The following SLC4A4 variants were observed in gnomAD, a reference collection of about 807,000 sequenced individuals.
The protein encoded by SLC4A4 is solute carrier family 4 member 4.
Under a neutral mutation model 111.5 loss-of-function variants are expected in SLC4A4, and 27 were observed. The observed-to-expected ratio is 0.24, with a 90% confidence interval of 0.18 to 0.33. The LOEUF is 0.33. SLC4A4 is among the 10% of genes least tolerant of loss of function. The pLI is 1.00. For synonymous variants in SLC4A4, 443 were observed against 463.4 expected, an observed-to-expected ratio of 0.96 and a Z score of 0.57; for missense variants, 909 against 1,315.5, an observed-to-expected ratio of 0.69 and a Z score of 4.78.
chr4:71,137,399 A>G (rs1743874552), intron 2 of SLC4A4, among the ~76,000 whole-genome samples: 1 of 152,218 alleles, frequency 6.6e-6, no homozygotes, highest in South Asian at 2.1e-4. Flanking sequence ...CTCCTATGGC[A>G]TGGAAAGTGG....
Position 71,357,177 on chromosome 4 carries a change from C to T in SLC4A4, c.720C>T (p.Asn240=), listed in dbSNP as rs1349880744. The T allele has an allele frequency of 1.9e-6, 3 of 1,614,064 alleles. No individual in the cohort carries two copies. The South Asian group carries it at 3.3e-5, about 18-fold the overall frequency. ...TVSSASRMFT[N]PDNGSPAMTH... ...CCAGTGCAAGTAGGATGTTTACCAA[C>T]CCTGATAATGGTAATGCAGAGGCCA... Residue 240 remains asparagine (N), a synonymous_variant, in exon 6 of 26, where the codon AAC becomes AAT. Coordinates refer to ENST00000264485, the MANE Select transcript of SLC4A4 (RefSeq NM_001098484.3).
chr4:71,507,838 C>A (rs914526106), intron 16 of SLC4A4, among the ~76,000 whole-genome samples: 2 of 152,130 alleles, frequency 1.3e-5, no homozygotes, highest in Non-Finnish European at 2.9e-5. Flanking sequence ...ATCACATAAT[C>A]GGAAGTTAAA....
chr4:71,566,655 C>T (rs965349404), intron 24 of SLC4A4, among the ~76,000 whole-genome samples: 4 of 151,468 alleles, frequency 2.6e-5, no homozygotes, highest in Admixed American at 1.3e-4. Context: ...TCTTTTTTTC[C>T]TTATGAACAA....
intron 12 of SLC4A4, among the ~76,000 whole-genome samples, chr4:71,456,733 T>C (rs962953383): frequency 6.6e-6 from 1 of 152,154 alleles, no homozygotes. Flanking sequence ...ATCCCAGTTA[T>C]AGTGTAGGGT....
At chr4:71,345,959 G>T (rs1729292039) in intron 4 of SLC4A4, among the ~76,000 whole-genome samples, 1 of 151,992 alleles carries the variant, frequency 6.6e-6, no homozygotes, top group South Asian at 2.1e-4. Context: ...GGGTGATAAG[G>T]CACTTGTTAG....
chr4:71,208,642 A>G (rs1200967094), intron 1 of SLC4A4, among the ~76,000 whole-genome samples: 1 of 151,780 alleles, frequency 6.6e-6, no homozygotes, highest in Non-Finnish European at 1.5e-5. Flanking sequence ...TCATAATCTC[A>G]TTTAATGATT....
chr4:71,498,517 A>G (rs1195759029), intron 16 of SLC4A4, among the ~76,000 whole-genome samples: 2 of 152,136 alleles, frequency 1.3e-5, no homozygotes, highest in East Asian at 1.9e-4. Context: ...TTCTTGCATT[A>G]TATGTAAAAG....
rs530591446 is a variant in SLC4A4 at position 71,320,534 on chromosome 4, C to T, written c.254-18836C>T. On this transcript the variant is annotated intron_variant, in intron 3 of 25. Transcript: ENST00000264485. The stretch of plus-strand genomic sequence containing the variant: ...CTGAAGATTTTTCCTGCCCTTCTCA[C>T]GAAAGAGAGGTGGCAGAGGGATTTG... Among the ~76,000 whole-genome samples the T allele has an allele frequency of 3.3e-5, 5 of 152,074 alleles. No homozygotes were observed. The East Asian group carries it at 5.8e-4, about 18-fold the overall frequency.
intron 6 of SLC4A4, among the ~76,000 whole-genome samples, chr4:71,386,013 G>A (rs1718682304): frequency 7.0e-6 from 1 of 141,906 alleles, no homozygotes; most frequent in African/African-American, 2.6e-5. Flanking sequence ...ATTTTTTGGA[G>A]TTTTTTTTTT....
intron 3 of SLC4A4, among the ~76,000 whole-genome samples, chr4:71,284,000 T>C (rs1012975457): frequency 3.3e-5 from 5 of 152,232 alleles, no homozygotes; most frequent in African/African-American, 1.2e-4. Context: ...CCCCTTTGTC[T>C]TGACTTCTAA....
At chr4:71,253,701 C>T (rs1721240670) in intron 2 of SLC4A4, among the ~76,000 whole-genome samples, 1 of 152,110 alleles carries the variant, frequency 6.6e-6, no homozygotes, top group Admixed American at 6.6e-5. Flanking sequence ...ATATAGCTTT[C>T]CCATGAGAAC....
chr4:71,290,331 G>T (rs1179311569), intron 3 of SLC4A4, among the ~76,000 whole-genome samples: 1 of 152,182 alleles, frequency 6.6e-6, no homozygotes, highest in Admixed American at 6.5e-5. Context: ...AGCCAAGGGG[G>T]TGGAGGCAGG....
chr4:71,539,285 T>C (rs2149222379), intron 18 of SLC4A4, among the ~76,000 whole-genome samples: 1 of 152,246 alleles, frequency 6.6e-6, no homozygotes, highest in East Asian at 1.9e-4. Context: ...AGCCTTCATT[T>C]TTTTTTTAAA....
chr4:71,180,922 T>C (rs1415294226), intron 2 of SLC4A4, among the ~76,000 whole-genome samples: 1 of 152,092 alleles, frequency 6.6e-6, no homozygotes, highest in African/African-American at 2.4e-5. Context: ...ACACGTATGT[T>C]TACTGCGGCA....
At position 71,531,209 on chromosome 4, in the gene SLC4A4, A is replaced by G. The variant is rs569739045; in HGVS notation, c.2167-853A>G. 7.2e-5 allele frequency among the ~76,000 whole-genome samples: 11 copies of G among 152,246 alleles called. 1 individual carries two copies. Among genetic ancestry groups the G allele is most frequent in the African/African-American group, 2.6e-4 (11 of 41,558 alleles). On this transcript the variant is annotated intron_variant, in intron 16 of 25. Coordinates refer to ENST00000264485, the MANE Select transcript of SLC4A4 (RefSeq NM_001098484.3). The stretch of plus-strand genomic sequence containing the variant: ...GAACAATCTCAAGCAAACAAATGGT[A>G]TATGCTCCCCTTACCAACTTGCAAA...
rs142137218 is a variant in SLC4A4 at position 71,360,864 on chromosome 4, C to T, written c.730+3677C>T. Reference sequence around the variant, plus strand: ...AGTTAAAGACGGGGTTCTTGTCACACGACCACGAAAAATTAGGCTTGCACA... The same window carrying T: ...AGTTAAAGACGGGGTTCTTGTCACATGACCACGAAAAATTAGGCTTGCACA... On this transcript the variant is annotated intron_variant, in intron 6 of 25. Coordinates refer to ENST00000264485, the MANE Select transcript of SLC4A4 (RefSeq NM_001098484.3). Among the ~76,000 whole-genome samples, 57 of 152,036 alleles carry T rather than the reference C, an allele frequency of 3.7e-4. 1 individual carries two copies. The East Asian group carries it at 9.7e-3, about 26-fold the overall frequency.
intron 1 of SLC4A4, among the ~76,000 whole-genome samples, chr4:71,234,690 A>T (rs1285775389): frequency 3.9e-5 from 6 of 152,100 alleles, no homozygotes; most frequent in Non-Finnish European, 8.8e-5. Flanking sequence ...CTGCCGAGGG[A>T]TTACAGGTGC....
At chr4:71,478,632 G>T (rs1578001056) in intron 14 of SLC4A4, among the ~76,000 whole-genome samples, 1 of 151,892 alleles carries the variant, frequency 6.6e-6, no homozygotes, top group Middle Eastern at 3.4e-3. Flanking sequence ...AGGGGAGGGA[G>T]AGCATTAGGA....
chr4:71,380,443 G>A (rs919640397), intron 6 of SLC4A4, among the ~76,000 whole-genome samples: 1 of 152,144 alleles, frequency 6.6e-6, no homozygotes, highest in African/African-American at 2.4e-5. Flanking sequence ...AGGACCCTAC[G>A]TCTTCAACCC....
Sources: gnomAD v4.1 joint callset for allele counts (sites outside exome capture counted in the v4.1 genomes callset) on GRCh38, gnomAD v4.1.1 for gene constraint, MANE v1.5 for transcripts, NCBI Gene and HGNC (gene_info 2026-07-23, HGNC 2026-07-21) for gene names.